ATP6V0E1: variants seen among roughly 807,000 people sequenced by gnomAD.
ATP6V0E1 encodes the protein ATPase H+ transporting V0 subunit e1, also known as V-type proton ATPase subunit e 1.
In ATP6V0E1, 4 loss-of-function variants were observed where a neutral mutation model predicts 11.6. The ratio of observed to expected loss-of-function variants is 0.35; its 90% CI spans 0.17 to 0.79. ATP6V0E1 has a LOEUF of 0.79. Ranked by LOEUF, ATP6V0E1 falls within the 30% of genes least tolerant of loss-of-function variation. The pLI is 0.54. For synonymous variants in ATP6V0E1, 36 were observed against 34.8 expected (o/e 1.04, Z -0.13); for missense variants, 105 against 100.0 (o/e 1.05, Z -0.21).
At chr5:173,006,745 A>G (rs948453647) in intron 2 of ATP6V0E1, among the ~76,000 whole-genome samples, 1 of 152,338 alleles carries the variant, frequency 6.6e-6, no homozygotes, top group Non-Finnish European at 1.5e-5. Flanking sequence ...TTTAAGCTAT[A>G]GAAAGCAACC....
intron 2 of ATP6V0E1, among the ~76,000 whole-genome samples, chr5:173,017,485 G>T (rs550672558): frequency 6.7e-6 from 1 of 148,984 alleles, no homozygotes; most frequent in Non-Finnish European, 1.5e-5. Flanking sequence ...AGTGAGCCGA[G>T]ATCGTGCCAT....
At chr5:172,985,077 C>T (rs563029346) in intron 1 of ATP6V0E1, among the ~76,000 whole-genome samples, 5 of 152,034 alleles carry the variant, frequency 3.3e-5, no homozygotes, top group Non-Finnish European at 7.4e-5. Flanking sequence ...AAACCCGTCT[C>T]TACTAAAAAC....
At chr5:173,016,789 C>T (rs893547603) in intron 2 of ATP6V0E1, among the ~76,000 whole-genome samples, 4 of 152,152 alleles carry the variant, frequency 2.6e-5, no homozygotes, top group Non-Finnish European at 5.9e-5. Flanking sequence ...CTGTTCTCTT[C>T]CTTTTTTTAT....
At chr5:173,007,620 A>G (rs1218914824) in intron 2 of ATP6V0E1, among the ~76,000 whole-genome samples, 3 of 152,156 alleles carry the variant, frequency 2.0e-5, no homozygotes, top group Non-Finnish European at 4.4e-5. Context: ...GTTGAGAGAG[A>G]TTTCAGAATT....
At chr5:173,009,453 T>A (rs79741091) in intron 2 of ATP6V0E1, among the ~76,000 whole-genome samples, 24,090 of 137,186 alleles carry the variant, frequency 0.18, 3,270 homozygotes, top group East Asian at 0.72. Flanking sequence ...GATAGCCACT[T>A]CCCTTTTTTT....
intron 3 of ATP6V0E1, among the ~76,000 whole-genome samples, chr5:173,023,339 G>T (rs1351479512): frequency 1.3e-5 from 2 of 152,166 alleles, no homozygotes; most frequent in Non-Finnish European, 2.9e-5. Flanking sequence ...GACTACAGGT[G>T]TGTGCTACCA....
At chr5:173,000,114 C>G (rs1193923551) in intron 2 of ATP6V0E1, among the ~76,000 whole-genome samples, 2 of 152,092 alleles carry the variant, frequency 1.3e-5, no homozygotes, top group Non-Finnish European at 2.9e-5. Context: ...TTTTGAAATG[C>G]ATTCATGGAC....
At position 173,025,504 on chromosome 5, in the gene ATP6V0E1, C is replaced by CTTTT. The variant is rs60822937; in HGVS notation, c.*36+5161_*36+5164dup. 8.2e-4 allele frequency among the ~76,000 whole-genome samples: 54 copies of CTTTT among 65,572 alleles called. 8 individuals are homozygous for CTTTT. Among genetic ancestry groups the CTTTT allele is most frequent in the African/African-American group, 2.5e-3 (35 of 13,972 alleles). The allele number at this position is 65,572 out of a possible 152,430, so 43.0% of individuals were successfully genotyped here. ...ATTATTCTACAATGTATATAAAATA[C>CTTTT]TTTTTTTTTTTTTTTTTTTTTTTTT... On this transcript the variant is annotated intron_variant, in intron 3 of 3. Coordinates refer to ENST00000519374, the MANE Select transcript of ATP6V0E1 (RefSeq NM_003945.4).
chr5:172,989,118 G>C (rs1755942020), intron 1 of ATP6V0E1, among the ~76,000 whole-genome samples: 1 of 152,190 alleles, frequency 6.6e-6, no homozygotes, highest in Non-Finnish European at 1.5e-5. Flanking sequence ...AGGATCACTT[G>C]AAGCCAGAAA....
chr5:173,020,801 T>G (rs775775261), intron 3 of ATP6V0E1: 1 of 519,678 alleles, frequency 1.9e-6, no homozygotes, highest in East Asian at 5.4e-5. Context: ...GAATGTCTTG[T>G]CTTCATCCGG....
chr5:173,006,111 T>C (rs1756225856), intron 2 of ATP6V0E1, among the ~76,000 whole-genome samples: 3 of 151,774 alleles, frequency 2.0e-5, no homozygotes, highest in Admixed American at 2.0e-4. Context: ...GGTTCAAATT[T>C]TCTATGTCCT....
intron 1 of ATP6V0E1, 45 bp from the exon 2 acceptor site, chr5:172,994,730 G>C (rs1406913407): frequency 4.8e-6 from 7 of 1,463,248 alleles, no homozygotes; most frequent in Non-Finnish European, 6.6e-6. Flanking sequence ...TGTTTGCATA[G>C]TTTGCTAGTT....
intron 3 of ATP6V0E1, among the ~76,000 whole-genome samples, chr5:173,028,598 G>A (rs745750407): frequency 5.3e-5 from 8 of 152,178 alleles, no homozygotes; most frequent in East Asian, 3.8e-4. Flanking sequence ...AGAACACACC[G>A]TTAAATACAT....
In ATP6V0E1 at chr5:173,020,378, T is replaced by G. The variant is rs1756460708; in HGVS notation, c.*36+11T>G. On this transcript the variant is annotated intron_variant, in intron 3 of 3. Coordinates refer to ENST00000519374, the MANE Select transcript of ATP6V0E1 (RefSeq NM_003945.4). ...TGCTCAGTCTTTGAGGTGACTATGCTTGTGACCTTTCTTATCAGTATGGTC... is the reference window on the plus strand; with the variant it reads ...TGCTCAGTCTTTGAGGTGACTATGCGTGTGACCTTTCTTATCAGTATGGTC... 1.4e-6 allele frequency: 2 copies of G among 1,448,848 alleles called. No individual in the cohort carries two copies. The highest frequency in any genetic ancestry group is 1.7e-5 in the Admixed American group (1 of 57,154). 89.7% of individuals were successfully genotyped at this position (1,448,848 alleles called of 1,614,324 possible).
Position 172,983,969 on chromosome 5 carries a change from G to A in ATP6V0E1, c.104+5G>A. On this transcript the variant is annotated splice_donor_5th_base_variant and intron_variant, in intron 1 of 3. Coordinates refer to ENST00000519374, the MANE Select transcript of ATP6V0E1 (RefSeq NM_003945.4). The stretch of plus-strand genomic sequence containing the variant: ...CCCTAAGGGTCCTAACCGGGGGTAA[G>A]TGCGTGAGGCCCGCCTTGGGAGGAA... The A allele has an allele frequency of 2.5e-6, 4 of 1,612,114 alleles. No individual in the cohort carries two copies. The highest frequency in any genetic ancestry group is 3.4e-6 in the Non-Finnish European group (4 of 1,179,548).
At chr5:173,021,928 G>T (rs191694484) in intron 3 of ATP6V0E1, among the ~76,000 whole-genome samples, 1 of 152,130 alleles carries the variant, frequency 6.6e-6, no homozygotes, top group African/African-American at 2.4e-5. Flanking sequence ...CCAGCTACTC[G>T]GGAGGCTGAG....
At chr5:173,027,472 A>C (rs1476406023) in intron 3 of ATP6V0E1, among the ~76,000 whole-genome samples, 1 of 151,736 alleles carries the variant, frequency 6.6e-6, no homozygotes, top group African/African-American at 2.4e-5. Flanking sequence ...ACTGCACTCC[A>C]GCCTGAGTGA....
At chr5:172,989,533 T>C (rs945347108) in intron 1 of ATP6V0E1, among the ~76,000 whole-genome samples, 1 of 151,962 alleles carries the variant, frequency 6.6e-6, no homozygotes, top group Non-Finnish European at 1.5e-5. Context: ...ACTGAAGATT[T>C]TTTTTTTTTT....
chr5:172,994,757 A>ATTTTT lies in ATP6V0E1; in HGVS notation c.105-7_105-3dup. 7.2e-7 allele frequency: 1 copy of ATTTTT among 1,397,916 alleles called. No individual in the cohort carries two copies. Among genetic ancestry groups the ATTTTT allele is most frequent in the Non-Finnish European group, 9.7e-7 (1 of 1,032,384 alleles). The allele number at this position is 1,397,916 out of a possible 1,614,324, so 86.6% of individuals were successfully genotyped here. A position where few individuals can be genotyped will look rare whatever the true frequency, so the allele number is the denominator to read the frequency against. ...TTGCTAGTTATTTAATGACATTTGC[A>ATTTTT]TTTTTTTTTTTTTTTAGAGTTATCA... On this transcript the variant is annotated splice_polypyrimidine_tract_variant and intron_variant, in intron 1 of 3. Transcript: ENST00000519374.
Sources: gnomAD v4.1 joint callset for allele counts (sites outside exome capture counted in the v4.1 genomes callset) on GRCh38, gnomAD v4.1.1 for gene constraint, MANE v1.5 for transcripts, NCBI Gene and HGNC (gene_info 2026-07-23, HGNC 2026-07-21) for gene names.